Variants in ICA1 observed in about 807,000 individuals in gnomAD.
ICA1 encodes islet cell autoantigen 1, also known as 69 kDa islet cell autoantigen.
ICA1 carries 40 observed loss-of-function variants against 71.0 expected under a neutral mutation model. The observed-to-expected ratio is 0.56, with a 90% CI of 0.44 to 0.73. ICA1 has a LOEUF of 0.73. Ranked by LOEUF, ICA1 falls within the 30% of genes least tolerant of loss-of-function variation. The pLI, the probability that ICA1 is intolerant of heterozygous loss-of-function variation, is 0.00. For missense variants in ICA1, 578 were observed against 576.5 expected (o/e 1.00, Z -0.03); for synonymous variants, 207 against 209.5 (o/e 0.99, Z 0.10).
chr7:8,258,487 G>A lies in ICA1; in HGVS notation c.-80+3607C>T, dbSNP rs113440309. ...GGGACAAGGAGTTACCACTAATTGA[G>A]GAACTGCCACTTCTCAGACACTGGG... On this transcript the variant is annotated intron_variant, in intron 1 of 13. Transcript: ENST00000402384. Among the ~76,000 whole-genome samples the A allele has an allele frequency of 5.7e-4, 87 of 152,262 alleles. 2 individuals carry two copies. Among genetic ancestry groups the A allele is most frequent in the African/African-American group, 2.0e-3 (84 of 41,552 alleles).
intron 10 of ICA1, among the ~76,000 whole-genome samples, chr7:8,141,529 A>G (rs1052902751): frequency 1.3e-5 from 2 of 152,188 alleles, no homozygotes; most frequent in Admixed American, 6.5e-5. Flanking sequence ...GCTGCTGCTG[A>G]TGTGACTGTG....
chr7:8,218,881 T>C (rs938306535), intron 5 of ICA1: 14 of 335,532 alleles, frequency 4.2e-5, no homozygotes, highest in Non-Finnish European at 7.5e-5. Flanking sequence ...TGAGGAGGAA[T>C]GGAGCGTATG....
intron 6 of ICA1, among the ~76,000 whole-genome samples, chr7:8,205,426 C>A (rs990637724): frequency 6.6e-5 from 10 of 152,194 alleles, no homozygotes; most frequent in African/African-American, 2.2e-4. Flanking sequence ...CCTCTGTGTT[C>A]CCAGTCATAC....
chr7:8,204,889 G>C (rs1790965041), intron 6 of ICA1, among the ~76,000 whole-genome samples: 1 of 152,046 alleles, frequency 6.6e-6, no homozygotes, highest in African/African-American at 2.4e-5. Context: ...CAGAACAGTG[G>C]GGAAAATGGG....
At chr7:8,172,406 G>C (rs1037118086) in intron 6 of ICA1, among the ~76,000 whole-genome samples, 9 of 152,148 alleles carry the variant, frequency 5.9e-5, no homozygotes, top group African/African-American at 2.2e-4. Flanking sequence ...GATTTCTTTT[G>C]ATTAGAATTT....
At chr7:8,178,611 A>G (rs1174530460) in intron 6 of ICA1, among the ~76,000 whole-genome samples, 1 of 150,986 alleles carries the variant, frequency 6.6e-6, no homozygotes, top group Non-Finnish European at 1.5e-5. Flanking sequence ...ACATTGCTGC[A>G]GTAATTGTGT....
intron 8 of ICA1, among the ~76,000 whole-genome samples, chr7:8,146,936 A>G (rs1797205961): frequency 6.6e-6 from 1 of 151,632 alleles, no homozygotes. Context: ...ATTCCTCCAC[A>G]AAATGGTCCA....
intron 6 of ICA1, among the ~76,000 whole-genome samples, chr7:8,214,344 A>G (rs1280798454): frequency 6.6e-6 from 1 of 152,132 alleles, no homozygotes; most frequent in East Asian, 1.9e-4. Context: ...TTTAAATCAT[A>G]CCCTTTTACT....
intron 6 of ICA1, among the ~76,000 whole-genome samples, chr7:8,193,989 T>G (rs2128306492): frequency 6.6e-6 from 1 of 152,350 alleles, no homozygotes; most frequent in East Asian, 1.9e-4. Context: ...ATTCTTTTCA[T>G]TTTCCAAGTT....
intron 8 of ICA1, among the ~76,000 whole-genome samples, chr7:8,152,313 C>G (rs1236636649): frequency 6.6e-6 from 1 of 151,976 alleles, no homozygotes; most frequent in Non-Finnish European, 1.5e-5. Flanking sequence ...GTAACATAAC[C>G]TAGAAACCCC....
At chr7:8,143,426 C>G (rs960824433) in intron 9 of ICA1, among the ~76,000 whole-genome samples, 2 of 152,182 alleles carry the variant, frequency 1.3e-5, no homozygotes, top group Admixed American at 6.5e-5. Flanking sequence ...TATGATGATG[C>G]CTTAGTATGC....
intron 6 of ICA1, among the ~76,000 whole-genome samples, chr7:8,201,930 C>G (rs1490698416): frequency 6.6e-6 from 1 of 152,084 alleles, no homozygotes; most frequent in African/African-American, 2.4e-5. Flanking sequence ...CCATGCAAGC[C>G]CAGATGCTGC....
At chr7:8,170,508 C>T (rs7788500) in intron 6 of ICA1, among the ~76,000 whole-genome samples, 150,363 of 152,126 alleles carry the variant, frequency 0.99, 74,311 homozygotes, top group Middle Eastern at 1. Context: ...TGTCTTGGCA[C>T]TTTTTGGGTA....
intron 12 of ICA1, among the ~76,000 whole-genome samples, chr7:8,128,649 G>GA (rs71014762): frequency 0.96 from 145,453 of 152,268 alleles, 69,477 homozygotes; most frequent in East Asian, 1. Flanking sequence ...AGGATGTCCA[G>GA]AGCTCAACAA....
intron 4 of ICA1, among the ~76,000 whole-genome samples, chr7:8,224,452 T>TTACATTGGA (rs1343924513): frequency 2.5e-4 from 38 of 152,128 alleles, no homozygotes; most frequent in South Asian, 6.2e-4. Flanking sequence ...GTGATCCAAT[T>TTACATTGGA]TACATGTATT....
Position 8,165,616 on chromosome 7 carries a change from C to T in ICA1, c.580-6964G>A, listed in dbSNP as rs550956817. Among the ~76,000 whole-genome samples the T allele has an allele frequency of 3.3e-5, 5 of 152,266 alleles. No individual in the cohort carries two copies. The South Asian group carries it at 1.0e-3, about 32-fold the overall frequency. ...TTTGCAGATAATAATACTCTATACC[C>T]AGAAAGCCCCATCATCTCTTCCCAA... On this transcript the variant is annotated intron_variant, in intron 6 of 13. Transcript: ENST00000402384.
chr7:8,215,851 C>T (rs1016352977), intron 6 of ICA1, among the ~76,000 whole-genome samples: 2 of 152,306 alleles, frequency 1.3e-5, no homozygotes, highest in East Asian at 3.9e-4. Flanking sequence ...CCTGAGGAGC[C>T]ACTTGCAGCT....
chr7:8,184,030 C>T (rs1020433067), intron 6 of ICA1, among the ~76,000 whole-genome samples: 4 of 152,102 alleles, frequency 2.6e-5, no homozygotes, highest in African/African-American at 9.7e-5. Flanking sequence ...AGAAAGTTAC[C>T]TATTAGTCTA....
chr7:8,147,021 G>A (rs1231258660), intron 8 of ICA1, among the ~76,000 whole-genome samples: 1 of 151,718 alleles, frequency 6.6e-6, no homozygotes. Flanking sequence ...TTTAAATTTT[G>A]TAACACTGGT....
Sources: allele counts gnomAD v4.1 joint callset (sites outside exome capture counted in the v4.1 genomes callset), GRCh38; gene constraint gnomAD v4.1.1; transcripts MANE v1.5; gene names NCBI Gene and HGNC (gene_info 2026-07-23, HGNC 2026-07-21).